DNAJC13: variants seen among roughly 807,000 people sequenced by gnomAD.
The protein encoded by DNAJC13 is dnaJ homolog subfamily C member 13.
Under a neutral mutation model 290.5 loss-of-function variants are expected in DNAJC13, and 75 were observed. The ratio of observed to expected loss-of-function variants is 0.26; its 90% CI spans 0.21 to 0.31. DNAJC13 has a LOEUF of 0.31. Among genes scored for constraint, DNAJC13 ranks in the 10% least tolerant of loss-of-function variants. The pLI is 1.00. For synonymous variants in DNAJC13, 862 were observed against 892.0 expected, an observed-to-expected ratio of 0.97 and a Z score of 0.60; for missense variants, 2,260 against 2,674.5, an observed-to-expected ratio of 0.85 and a Z score of 3.42.
chr3:132,524,835 C>T (rs1423608189), intron 51 of DNAJC13, among the ~76,000 whole-genome samples: 1 of 152,164 alleles, frequency 6.6e-6, no homozygotes, highest in Non-Finnish European at 1.5e-5. Flanking sequence ...ATGTGTGCAT[C>T]TAGTGGTATA....
chr3:132,447,508 T>A (rs2107661335), intron 4 of DNAJC13, 38 bp downstream of exon 4: 1 of 1,503,296 alleles, frequency 6.7e-7, no homozygotes, highest in East Asian at 2.5e-5. Flanking sequence ...AATTTCTTTC[T>A]TCTCTTTTTA....
intron 40 of DNAJC13, 143 bp from the exon 41 acceptor site, chr3:132,503,071 C>A: frequency 1.3e-6 from 1 of 770,402 alleles, no homozygotes; most frequent in Non-Finnish European, 2.0e-6. Context: ...ATGTTTACCT[C>A]AGTGGTAGGT....
chr3:132,475,109 A>G (rs1233952249), intron 22 of DNAJC13, 24 bp downstream of exon 22: 2 of 1,529,318 alleles, frequency 1.3e-6, no homozygotes, highest in Admixed American at 2.1e-5. Context: ...TTTCCAGTAT[A>G]TTAATCTTAA....
Position 132,453,439 on chromosome 3 carries a change from A to G in DNAJC13, c.679A>G (p.Ser227Gly). Residue 227 changes from serine to glycine, a missense_variant, in exon 7 of 56, where the codon AGC (serine) becomes GGC (glycine). By Grantham distance (56) the Ser-to-Gly change is moderately conservative. Coordinates refer to ENST00000260818, the MANE Select transcript of DNAJC13 (RefSeq NM_015268.4). Reference protein sequence around the residue: ...QYLNLRFGKYSTDESITSLAE... With the variant: ...QYLNLRFGKYGTDESITSLAE... ...TTTGAATCTTCGCTTTGGAAAATAC[A>G]GCACTGATGAATCCATCACATCTTT... 1 of 1,613,994 alleles carries G rather than the reference A, an allele frequency of 6.2e-7. No homozygotes were observed. The highest frequency in any genetic ancestry group is 2.2e-5 in the East Asian group (1 of 44,810).
chr3:132,436,220 C>G (rs1258332695), intron 2 of DNAJC13, among the ~76,000 whole-genome samples: 1 of 152,158 alleles, frequency 6.6e-6, no homozygotes, highest in East Asian at 1.9e-4. Context: ...AGTTAACTCC[C>G]TTTTTCCCCC....
At chr3:132,462,616 A>C (rs775217604) in intron 16 of DNAJC13, 93 bp downstream of exon 16, 152 of 850,812 alleles carry the variant, frequency 1.8e-4, no homozygotes, top group Non-Finnish European at 1.6e-4. Flanking sequence ...TCTTTTTGGG[A>C]AATAAACATT....
Position 132,528,422 on chromosome 3 carries a change from C to G in DNAJC13, c.6525+90C>G, listed in dbSNP as rs1304136545. On this transcript the variant is annotated intron_variant, in intron 54 of 55. Transcript: ENST00000260818. ...CGTACCTGTGTTCAAGTTCCACTTA[C>G]AGATATGGTTCTGTTGGTTGTAACT... 2.7e-6 allele frequency: 4 copies of G among 1,481,398 alleles called. No individual in the cohort carries two copies. The East Asian group carries it at 9.1e-5, about 34-fold the overall frequency. 91.8% of individuals were successfully genotyped at this position (1,481,398 alleles called of 1,614,324 possible).
At chr3:132,485,605 G>A (rs1934842341) in intron 29 of DNAJC13, among the ~76,000 whole-genome samples, 1 of 152,228 alleles carries the variant, frequency 6.6e-6, no homozygotes, top group Non-Finnish European at 1.5e-5. Context: ...TGTGGTGTAT[G>A]TTGATGTTGT....
intron 22 of DNAJC13, among the ~76,000 whole-genome samples, chr3:132,476,714 T>G (rs1934485547): frequency 6.6e-6 from 1 of 152,210 alleles, no homozygotes; most frequent in Admixed American, 6.5e-5. Context: ...AAACACCAAA[T>G]TCACATTCTT....
chr3:132,465,682 A>G (rs9832919), intron 17 of DNAJC13, among the ~76,000 whole-genome samples: 74,451 of 151,804 alleles, frequency 0.49, 20,749 homozygotes, highest in African/African-American at 0.78. Context: ...GTGTCATCAA[A>G]TCTAATTGTT....
rs1359754580 is a variant in DNAJC13 at position 132,494,248 on chromosome 3, A to G, written c.3930A>G (p.Gln1310=). 1.2e-6 allele frequency: 2 copies of G among 1,612,504 alleles called. No homozygotes were observed. Among genetic ancestry groups the G allele is most frequent in the African/African-American group, 2.7e-5 (2 of 74,970 alleles). ...CTTATGAAGTGCTTAATCTGCCTCA[A>G]GGACAGGGACCGTGAGTTGTTTTCA... ...DDAYEVLNLP[Q]GQGPHDESKI... is the part of the protein sequence containing the mutation. Residue 1310 remains glutamine, a synonymous_variant, in exon 34 of 56, where the codon CAA becomes CAG. Transcript: ENST00000260818.
chr3:132,477,848 A>G lies in DNAJC13; in HGVS notation c.2505A>G (p.Leu835=), dbSNP rs1934523604. ...IKIGDYYLRL[L]LEEDENEESG... ...TAGGAGACTATTACCTGAGATTACT[A>G]TTGGAGGAAGATGAGAATGAAGAAA... The change falls in exon 23 of 56, where the codon CTA becomes CTG. Residue 835 remains leucine (L), a synonymous_variant. Transcript: ENST00000260818. The G allele has an allele frequency of 3.7e-6, 6 of 1,613,652 alleles. No individual in the cohort carries two copies. The East Asian group carries it at 8.9e-5, about 24-fold the overall frequency.
At chr3:132,508,826 C>T (rs1037646757) in intron 43 of DNAJC13, among the ~76,000 whole-genome samples, 4 of 152,180 alleles carry the variant, frequency 2.6e-5, no homozygotes, top group East Asian at 1.9e-4. Flanking sequence ...AAGAACAAAG[C>T]CTATATGACA....
At chr3:132,503,432 T>C (rs1480885357) in intron 41 of DNAJC13, 51 bp downstream of exon 41, 1 of 1,601,248 alleles carries the variant, frequency 6.2e-7, no homozygotes, top group East Asian at 2.2e-5. Context: ...CAAGATCCTT[T>C]AAGCAGTAAA....
intron 1 of DNAJC13, among the ~76,000 whole-genome samples, chr3:132,422,200 T>TTAG (rs907985005): frequency 3.3e-5 from 5 of 151,732 alleles, no homozygotes; most frequent in African/African-American, 9.7e-5. Context: ...TAACTTTTTT[T>TTAG]TATTATTATT....
chr3:132,537,299 C>G (rs1274975789), intron 55 of DNAJC13: 1 of 451,372 alleles, frequency 2.2e-6, no homozygotes, highest in African/African-American at 2.0e-5. Context: ...GCATGCCGCT[C>G]CCACTGCCTT....
chr3:132,483,613 T>TA (rs749955002), intron 28 of DNAJC13, 36 bp downstream of exon 28: 11 of 1,580,218 alleles, frequency 7.0e-6, no homozygotes, highest in Non-Finnish European at 9.6e-6. Context: ...GGTTAATTGA[T>TA]ATGCTTCCTT....
chr3:132,514,803 G>A (rs1324788687), intron 46 of DNAJC13, 133 bp downstream of exon 46: 2 of 673,920 alleles, frequency 3.0e-6, no homozygotes, highest in African/African-American at 1.9e-5. Flanking sequence ...CACTAGATTT[G>A]TCTTCCTAAT....
At chr3:132,463,544 AT>A (rs375695831) in intron 16 of DNAJC13, 151 bp from the exon 17 acceptor site, 2,769 of 777,134 alleles carry the variant, frequency 3.6e-3, no homozygotes, top group South Asian at 4.1e-3. Context: ...CTACTCACCT[AT>A]TTTTTTTTGG....
Sources: gnomAD v4.1 joint callset for allele counts (sites outside exome capture counted in the v4.1 genomes callset) on GRCh38, gnomAD v4.1.1 for gene constraint, MANE v1.5 for transcripts, NCBI Gene and HGNC (gene_info 2026-07-23, HGNC 2026-07-21) for gene names.